LGR6: variants seen among roughly 807,000 people sequenced by gnomAD.
LGR6 encodes leucine-rich repeat-containing G protein-coupled receptor 6.
In LGR6, 45 loss-of-function variants were observed where a neutral mutation model predicts 69.4. That is an observed-to-expected ratio of 0.65 (90% CI 0.51 to 0.83). The LOEUF is 0.83. LGR6 is among the 40% of genes least tolerant of loss of function. The probability of loss-of-function intolerance (pLI) is 0.00; values close to 1 mark genes in which losing one functional copy is unlikely to be tolerated. For missense variants in LGR6, 1,108 were observed against 1,246.7 expected (o/e 0.89, Z 1.68); for synonymous variants, 538 against 555.0 (o/e 0.97, Z 0.43).
intron 16 of LGR6, 66 bp from the exon 17 acceptor site, chr1:202,314,736 G>A: frequency 1.8e-6 from 2 of 1,134,088 alleles, no homozygotes; most frequent in Non-Finnish European, 2.7e-6. Context: ...GGGGGCATTT[G>A]GAGAAAGGTA....
At position 202,268,609 on chromosome 1, in the gene LGR6, G is replaced by T. The variant is rs952396120; in HGVS notation, c.429-7697G>T. On this transcript the variant is annotated intron_variant, in intron 4 of 17. Transcript: ENST00000367278. This position sits in a 1 kb window ranked among gnomAD's most constrained non-coding sequence, Gnocchi z 4.4. ...AAAGTCAGCTATGTAGCCAAGTAGG[G>T]GTGGGGGGTTCAGAGATGAAAACCA... Among the ~76,000 whole-genome samples the T allele has an allele frequency of 2.6e-5, 4 of 152,156 alleles. No individual in the cohort carries two copies. The highest frequency in any genetic ancestry group is 9.7e-5 in the African/African-American group (4 of 41,408).
At position 202,251,375 on chromosome 1, in the gene LGR6, A is replaced by G. The variant is rs572029829; in HGVS notation, c.428+15382A>G. 5.3e-5 allele frequency among the ~76,000 whole-genome samples: 8 copies of G among 152,328 alleles called. No homozygotes were observed. The East Asian group carries it at 5.8e-4, about 11-fold the overall frequency. ...AACATAATTTAGAATTACCTGCTAT[A>G]TGAGGATGATCTATGTCCCTGCAGC... On this transcript the variant is annotated intron_variant, in intron 4 of 17. Coordinates refer to ENST00000367278, the MANE Select transcript of LGR6 (RefSeq NM_001017403.2).
intron 6 of LGR6, among the ~76,000 whole-genome samples, chr1:202,282,129 G>A (rs1178781645): frequency 1.3e-5 from 2 of 152,206 alleles, no homozygotes; most frequent in Admixed American, 1.3e-4. Context: ...GGAAGACTGA[G>A]GACTGAGGTG....
chr1:202,217,010 G>A (rs1311842826), intron 1 of LGR6, among the ~76,000 whole-genome samples: 2 of 152,196 alleles, frequency 1.3e-5, no homozygotes, highest in Non-Finnish European at 2.9e-5. Context: ...TCAGGAACTT[G>A]TGTGGGCCAC....
rs1653238934 is a variant in LGR6 at position 202,306,798 on chromosome 1, T to G, written c.1137-70T>G. 4.3e-6 allele frequency: 6 copies of G among 1,404,888 alleles called. No homozygotes were observed. The Admixed American group carries it at 6.8e-5, about 16-fold the overall frequency. 87.0% of individuals were successfully genotyped at this position (1,404,888 alleles called of 1,614,324 possible). A position where few individuals can be genotyped will look rare whatever the true frequency, so the allele number is the denominator to read the frequency against. ...GGGGGCTCTACTTTCTTCCTCCCAG[T>G]GCTCGGGGGGCATGGAGCGGAGCCA... On this transcript the variant is annotated intron_variant, in intron 12 of 17. Transcript: ENST00000367278.
chr1:202,221,831 C>G (rs1660178699), intron 1 of LGR6, among the ~76,000 whole-genome samples: 2 of 152,226 alleles, frequency 1.3e-5, no homozygotes, highest in Non-Finnish European at 2.9e-5. Flanking sequence ...TCAAGGTGTC[C>G]TCTTATTTCC....
At chr1:202,235,802 G>A (rs187168175) in intron 3 of LGR6, 120 bp from the exon 4 acceptor site, 2 of 788,502 alleles carry the variant, frequency 2.5e-6, no homozygotes, top group Admixed American at 4.2e-5. Context: ...CTGGGGCTCT[G>A]AGGCTGGGGT....
chr1:202,251,037 G>A (rs901923760), intron 4 of LGR6, among the ~76,000 whole-genome samples: 8 of 152,164 alleles, frequency 5.3e-5, no homozygotes, highest in African/African-American at 1.7e-4. Flanking sequence ...GTCGTGTTTC[G>A]GGGAGGTGGC....
At chr1:202,228,040 C>G in intron 3 of LGR6, 33 bp downstream of exon 3, 1 of 1,456,956 alleles carries the variant, frequency 6.9e-7, no homozygotes, top group East Asian at 2.3e-5. Flanking sequence ...TTACATAGAG[C>G]TGCAGCACTG....
chr1:202,197,819 C>T (rs1571800268), intron 1 of LGR6, among the ~76,000 whole-genome samples: 2 of 152,182 alleles, frequency 1.3e-5, no homozygotes, highest in South Asian at 2.1e-4. Flanking sequence ...AGACAATCCC[C>T]GGAGTTGTTG....
chr1:202,271,217 G>C lies in LGR6; in HGVS notation c.429-5089G>C, dbSNP rs16849849. On this transcript the variant is annotated intron_variant, in intron 4 of 17. Coordinates refer to ENST00000367278, the MANE Select transcript of LGR6 (RefSeq NM_001017403.2). ...GGGAGCTGCTTAAAAAGGTCTTTTA[G>C]TCCCAAGTGGAGGATTCTGCTGGCG... 3.5e-3 allele frequency among the ~76,000 whole-genome samples: 539 copies of C among 152,254 alleles called. 5 individuals carry two copies. Among genetic ancestry groups the C allele is most frequent in the African/African-American group, 0.012 (516 of 41,544 alleles).
At position 202,318,392 on chromosome 1, in the gene LGR6, G is replaced by A; in HGVS notation, c.2089G>A (p.Ala697Thr). The A allele has an allele frequency of 6.2e-7, 1 of 1,603,774 alleles. No individual in the cohort carries two copies. Among genetic ancestry groups the A allele is most frequent in the Non-Finnish European group, 8.5e-7 (1 of 1,175,388 alleles). Residue 697 changes from alanine (A) to threonine (T), a missense_variant, in exon 18 of 18, where the codon GCA (alanine) becomes ACA (threonine). By Grantham distance (58) the Ala-to-Thr change is moderately conservative. Transcript: ENST00000367278. Reference protein sequence around the residue: ...RAGVLGCLALAGLAAALPLAS... With the variant: ...RAGVLGCLALTGLAAALPLAS... Reference sequence around the variant, plus strand: ...AGGGGTCCTAGGCTGCCTGGCACTGGCAGGGCTGGCCGCCGCGCTGCCCCT... The same window carrying A: ...AGGGGTCCTAGGCTGCCTGGCACTGACAGGGCTGGCCGCCGCGCTGCCCCT...
At chr1:202,301,627 C>T (rs554868011) in intron 9 of LGR6, among the ~76,000 whole-genome samples, 30 of 152,316 alleles carry the variant, frequency 2.0e-4, no homozygotes, top group African/African-American at 7.2e-4. Context: ...TCCCTGGGCA[C>T]TTTGCTGTGC....
chr1:202,276,410 C>T lies in LGR6; in HGVS notation c.533C>T (p.Pro178Leu), dbSNP rs2148163019. ...WLDDNALTEIPVRALNNLPAL... is the reference protein window; with the variant it reads ...WLDDNALTEILVRALNNLPAL... ...GACGACAATGCACTCACGGAGATCCCTGTCAGGGCCCTCAACAACCTCCCT... is the reference window on the plus strand; with the variant it reads ...GACGACAATGCACTCACGGAGATCCTTGTCAGGGCCCTCAACAACCTCCCT... The change falls in exon 5 of 18, where the codon CCT (proline) becomes CTT (leucine). Residue 178 changes from proline (P) to leucine (L), a missense_variant. Physicochemically the swap from Pro to Leu is moderately conservative, Grantham distance 98. Coordinates refer to ENST00000367278, the MANE Select transcript of LGR6 (RefSeq NM_001017403.2). 6.2e-7 allele frequency: 1 copy of T among 1,614,184 alleles called. No individual in the cohort carries two copies. Among genetic ancestry groups the T allele is most frequent in the South Asian group, 1.1e-5 (1 of 91,086 alleles).
At chr1:202,213,556 C>T (rs1030140730) in intron 1 of LGR6, among the ~76,000 whole-genome samples, 6 of 152,082 alleles carry the variant, frequency 3.9e-5, no homozygotes, top group African/African-American at 1.4e-4. Flanking sequence ...CCCAGAACGC[C>T]CTCCTCTACC....
Position 202,319,201 on chromosome 1 carries a change from C to T in LGR6, c.2898C>T (p.His966=), listed in dbSNP as rs763187549. Residue 966 remains histidine (H), a synonymous_variant, in exon 18 of 18, where the codon CAC becomes CAT. Transcript: ENST00000367278. Reference sequence around the variant, plus strand: ...CCTCTGGCTTGGCCTTTGCTTCACACGTGTAAATATCCCTCCCCATTCTTC... The same window carrying T: ...CCTCTGGCTTGGCCTTTGCTTCACATGTGTAAATATCCCTCCCCATTCTTC... The part of the protein sequence containing the change: ...FQPSGLAFAS[H]V The T allele has an allele frequency of 6.3e-6, 10 of 1,591,092 alleles. No individual in the cohort carries two copies. The highest frequency in any genetic ancestry group is 1.8e-4 in the Middle Eastern group (1 of 5,584).
chr1:202,214,290 A>C (rs1245634141), intron 1 of LGR6: 2 of 1,470,770 alleles, frequency 1.4e-6, no homozygotes, highest in African/African-American at 3.0e-5. Context: ...GGTCCTCCGC[A>C]GCCCTGGGGA....
At chr1:202,208,459 G>A (rs1338706087) in intron 1 of LGR6, among the ~76,000 whole-genome samples, 1 of 152,022 alleles carries the variant, frequency 6.6e-6, no homozygotes, top group East Asian at 1.9e-4. Context: ...AGACTGTGAT[G>A]TGAGGGAGGT....
At chr1:202,241,585 A>T (rs1471811207) in intron 4 of LGR6, among the ~76,000 whole-genome samples, 4 of 152,042 alleles carry the variant, frequency 2.6e-5, no homozygotes, top group South Asian at 4.1e-4. Context: ...CATGCCAGAC[A>T]TGTCATGCCA....
Sources: allele counts gnomAD v4.1 joint callset (sites outside exome capture counted in the v4.1 genomes callset), GRCh38; gene constraint gnomAD v4.1.1; non-coding constraint Gnocchi (gnomAD v3.1); transcripts MANE v1.5; gene names NCBI Gene and HGNC (gene_info 2026-07-23, HGNC 2026-07-21).